Variants in FBXL20 observed in about 807,000 individuals in gnomAD.
The protein encoded by FBXL20 is F-box and leucine rich repeat protein 20, also known as F-box/LRR-repeat protein 20.
In FBXL20, 11 loss-of-function variants were observed where a neutral mutation model predicts 64.0. The ratio of observed to expected loss-of-function variants is 0.17; its 90% CI spans 0.11 to 0.28. The LOEUF is 0.28. Among genes scored for constraint, FBXL20 ranks in the 10% least tolerant of loss-of-function variants. The probability of loss-of-function intolerance (pLI) is 1.00; values close to 1 mark genes in which losing one functional copy is unlikely to be tolerated. For synonymous variants in FBXL20, 184 were observed against 189.0 expected (o/e 0.97, Z 0.22); for missense variants, 303 against 526.2 (o/e 0.58, Z 4.15).
chr17:39,374,585 T>G (rs900642398), intron 1 of FBXL20, among the ~76,000 whole-genome samples: 1 of 152,142 alleles, frequency 6.6e-6, no homozygotes, highest in Non-Finnish European at 1.5e-5. Flanking sequence ...ATAACTAAGA[T>G]TTTATTTTTC....
intron 11 of FBXL20, among the ~76,000 whole-genome samples, chr17:39,269,493 T>C (rs2046822252): frequency 6.7e-6 from 1 of 148,788 alleles, no homozygotes; most frequent in South Asian, 2.1e-4. Context: ...GCGCCCGGCC[T>C]TTCCTCTTTT....
chr17:39,356,214 C>CAA (rs56838813), intron 1 of FBXL20, among the ~76,000 whole-genome samples: 118 of 75,472 alleles, frequency 1.6e-3, no homozygotes, highest in African/African-American at 2.0e-3. Flanking sequence ...GACTCCATCT[C>CAA]AAAAAAAAAA....
At chr17:39,268,504 T>C (rs921901683) in intron 12 of FBXL20, among the ~76,000 whole-genome samples, 3 of 152,170 alleles carry the variant, frequency 2.0e-5, no homozygotes, top group Non-Finnish European at 2.9e-5. Context: ...CAGTGCTATA[T>C]AGATCAGTGT....
At chr17:39,303,377 A>G (rs886322589) in intron 3 of FBXL20, among the ~76,000 whole-genome samples, 6 of 152,214 alleles carry the variant, frequency 3.9e-5, no homozygotes, top group Non-Finnish European at 7.3e-5. Context: ...TATTACACAA[A>G]TAAGAGATAC....
At chr17:39,334,018 G>T (rs2047494158) in intron 2 of FBXL20, among the ~76,000 whole-genome samples, 1 of 152,212 alleles carries the variant, frequency 6.6e-6, no homozygotes, top group Non-Finnish European at 1.5e-5. Flanking sequence ...TGGCAGTTTG[G>T]TCGAACAGAA....
intron 1 of FBXL20, among the ~76,000 whole-genome samples, chr17:39,391,805 C>T (rs1197121484): frequency 6.6e-6 from 1 of 151,896 alleles, no homozygotes; most frequent in East Asian, 1.9e-4. Flanking sequence ...CCACAAATCC[C>T]TTCTCCCTTT....
intron 2 of FBXL20, among the ~76,000 whole-genome samples, chr17:39,315,812 AGAGT>A (rs200718809): frequency 0.034 from 4,761 of 141,226 alleles, 267 homozygotes; most frequent in African/African-American, 0.12. Flanking sequence ...TCTTTGAGAG[AGAGT>A]GAGAGAGAGA....
intron 6 of FBXL20, among the ~76,000 whole-genome samples, chr17:39,292,991 C>T (rs1013110260): frequency 6.6e-6 from 1 of 151,984 alleles, no homozygotes; most frequent in Non-Finnish European, 1.5e-5. Flanking sequence ...CGGGGTTTCA[C>T]CATGCTGGCC....
chr17:39,361,780 G>A (rs2047797238), intron 1 of FBXL20, among the ~76,000 whole-genome samples: 1 of 151,998 alleles, frequency 6.6e-6, no homozygotes, highest in Admixed American at 6.6e-5. Flanking sequence ...CTTAGCGACA[G>A]AGCGAGACTC....
chr17:39,271,782 A>G (rs184972350), intron 10 of FBXL20, among the ~76,000 whole-genome samples: 2 of 152,230 alleles, frequency 1.3e-5, no homozygotes, highest in East Asian at 3.9e-4. Context: ...GTTAAACTCC[A>G]ATCTAAATAC....
intron 2 of FBXL20, among the ~76,000 whole-genome samples, chr17:39,327,268 TTC>T (rs997997598): frequency 4.6e-5 from 7 of 152,148 alleles, no homozygotes; most frequent in Non-Finnish European, 1.0e-4. Flanking sequence ...ACTCAATATT[TTC>T]TTTGTATTAT....
At position 39,275,103 on chromosome 17, in the gene FBXL20, A is replaced by G. The variant is rs775914133; in HGVS notation, c.697-3T>C. The G allele has an allele frequency of 3.1e-6, 5 of 1,601,024 alleles. No individual in the cohort carries two copies. The Admixed American group carries it at 5.3e-5, about 17-fold the overall frequency. ...ATGAGACCTTCATCTGTGATTTGCT[A>G]AAAAACAAGAGCAAAAAAATCCATA... On this transcript the variant is annotated splice_polypyrimidine_tract_variant and splice_region_variant and intron_variant, in intron 9 of 14. Transcript: ENST00000264658.
chr17:39,384,786 C>T (rs1041372981), intron 1 of FBXL20, among the ~76,000 whole-genome samples: 1 of 151,724 alleles, frequency 6.6e-6, no homozygotes, highest in Non-Finnish European at 1.5e-5. Context: ...GGTGAAACCC[C>T]GTCTCTACTA....
chr17:39,385,516 A>C (rs542192635), intron 1 of FBXL20, among the ~76,000 whole-genome samples: 1 of 152,208 alleles, frequency 6.6e-6, no homozygotes, highest in Non-Finnish European at 1.5e-5. Context: ...CTATTCCTAT[A>C]ACTGTCTTAT....
At chr17:39,348,604 T>C (rs1476845169) in intron 1 of FBXL20, among the ~76,000 whole-genome samples, 3 of 152,216 alleles carry the variant, frequency 2.0e-5, no homozygotes, top group Non-Finnish European at 2.9e-5. Context: ...GTTCTTCTAA[T>C]GTTCTTAAAT....
intron 1 of FBXL20, among the ~76,000 whole-genome samples, chr17:39,356,243 T>C (rs2047738516): frequency 6.6e-6 from 1 of 151,130 alleles, no homozygotes; most frequent in Admixed American, 6.6e-5. Context: ...AAAAGTTTTA[T>C]AGTTTTAGCT....
At chr17:39,293,169 TC>T (rs1486949588) in intron 6 of FBXL20, among the ~76,000 whole-genome samples, 2 of 152,148 alleles carry the variant, frequency 1.3e-5, no homozygotes, top group African/African-American at 4.8e-5. Flanking sequence ...TTTGATGTCT[TC>T]CTTTAAAGAG....
chr17:39,307,657 T>TTAGTCAAG (rs2047194892), intron 2 of FBXL20, among the ~76,000 whole-genome samples: 1 of 151,656 alleles, frequency 6.6e-6, no homozygotes, highest in Non-Finnish European at 1.5e-5. Flanking sequence ...CAAACTTCTG[T>TTAGTCAAG]TAGTCAAGGG....
chr17:39,330,549 G>A (rs1231569643), intron 2 of FBXL20, among the ~76,000 whole-genome samples: 1 of 152,156 alleles, frequency 6.6e-6, no homozygotes, highest in Non-Finnish European at 1.5e-5. Context: ...GGGAAGCGGA[G>A]GTTGCAGTGA....
Sources: allele counts gnomAD v4.1 joint callset (sites outside exome capture counted in the v4.1 genomes callset), GRCh38; gene constraint gnomAD v4.1.1; transcripts MANE v1.5; gene names NCBI Gene and HGNC (gene_info 2026-07-23, HGNC 2026-07-21).